The following RRP1B variants were observed in gnomAD, a reference collection of about 807,000 sequenced individuals.
RRP1B encodes the protein ribosomal RNA processing protein 1 homolog B.
Under a neutral mutation model 80.2 loss-of-function variants are expected in RRP1B, and 56 were observed. The observed-to-expected ratio is 0.70, with a 90% confidence interval of 0.56 to 0.87. The LOEUF is 0.87. RRP1B is among the 40% of genes least tolerant of loss of function. RRP1B has a pLI of 0.00. For synonymous variants in RRP1B, 351 were observed against 357.6 expected (o/e 0.98, Z 0.21); for missense variants, 807 against 939.8 (o/e 0.86, Z 1.85).
In RRP1B at chr21:43,673,946, A is replaced by T; in HGVS notation, c.348A>T (p.Lys116Asn). The T allele has an allele frequency of 2.5e-6, 4 of 1,610,704 alleles. No homozygotes were observed. The highest frequency in any genetic ancestry group is 3.4e-6 in the Non-Finnish European group (4 of 1,177,820). Residue 116 changes from lysine to asparagine, a missense_variant, in exon 4 of 16, where the codon AAA (lysine) becomes AAT (asparagine). Transcript: ENST00000340648. ...GAATAGACAGGCTACGCCTGGACAA[A>T]TACTATATGGTAAGATCTGCCGCAG... Reference protein sequence around the residue: ...WKGIDRLRLDKYYMLIRLVLR... With the variant: ...WKGIDRLRLDNYYMLIRLVLR...
intron 9 of RRP1B, 67 bp downstream of exon 9, chr21:43,683,440 G>T: frequency 8.0e-7 from 1 of 1,257,610 alleles, no homozygotes; most frequent in South Asian, 1.2e-5. Context: ...TAGAGAATTA[G>T]GGTCACAGCT....
At chr21:43,688,303 C>T in intron 13 of RRP1B, 63 bp downstream of exon 13, 1 of 1,464,756 alleles carries the variant, frequency 6.8e-7, no homozygotes, top group Admixed American at 2.6e-5. Flanking sequence ...CCATGGGGCT[C>T]CACTGCCTCC....
In RRP1B at chr21:43,693,065, T is replaced by G; in HGVS notation, c.2084-125T>G. 34 of 940,776 alleles carry G rather than the reference T, an allele frequency of 3.6e-5. No homozygotes were observed. Among genetic ancestry groups the G allele is most frequent in the Non-Finnish European group, 5.2e-5 (32 of 615,862 alleles). The allele number at this position is 940,776 out of a possible 1,614,324, so 58.3% of individuals were successfully genotyped here. On this transcript the variant is annotated intron_variant, in intron 15 of 15. Transcript: ENST00000340648. This position sits in a 1 kb window ranked among gnomAD's most constrained non-coding sequence, Gnocchi z 4.1. ...CTTGGGCCTGCTCTCTGCAGGGCCT[T>G]GAGATGGCCCTGCTTCGTCCTAGCA...
Position 43,693,466 on chromosome 21 carries a change from T to C in RRP1B, c.*83T>C. ...ACCTTTAAGAATGTGGGGCCTTTTT[T>C]ATGATTTTGTAAGTTCCCATAAGTT... is the stretch of plus-strand genomic sequence containing the variant. On this transcript the variant is annotated 3_prime_UTR_variant, in exon 16 of 16. Transcript: ENST00000340648. This position sits in a 1 kb window ranked among gnomAD's most constrained non-coding sequence, Gnocchi z 4.1. 2.3e-6 allele frequency: 3 copies of C among 1,323,396 alleles called. No homozygotes were observed. The highest frequency in any genetic ancestry group is 3.0e-6 in the Non-Finnish European group (3 of 1,000,728). The allele number at this position is 1,323,396 out of a possible 1,614,324, so 82.0% of individuals were successfully genotyped here. A position where few individuals can be genotyped will look rare whatever the true frequency, so the allele number is the denominator to read the frequency against.
chr21:43,679,732 C>T (rs1251354362), intron 8 of RRP1B, among the ~76,000 whole-genome samples: 3 of 152,070 alleles, frequency 2.0e-5, no homozygotes, highest in Non-Finnish European at 2.9e-5. Context: ...CCAGTATGGT[C>T]GTTTTCACAA....
intron 11 of RRP1B, 27 bp downstream of exon 11, chr21:43,685,816 A>G: frequency 6.3e-7 from 1 of 1,590,824 alleles, no homozygotes; most frequent in Non-Finnish European, 8.6e-7. Context: ...ATCATCATTC[A>G]TGGTGTTTTT....
At chr21:43,662,802 A>G (rs1167403701) in intron 1 of RRP1B, among the ~76,000 whole-genome samples, 6 of 152,200 alleles carry the variant, frequency 3.9e-5, no homozygotes, top group Non-Finnish European at 8.8e-5. Flanking sequence ...ACTGTGTACT[A>G]TTATGTACGC....
chr21:43,664,591 G>A (rs2082971014), intron 1 of RRP1B, among the ~76,000 whole-genome samples: 1 of 152,198 alleles, frequency 6.6e-6, no homozygotes, highest in Non-Finnish European at 1.5e-5. Flanking sequence ...GCCAAGGTTT[G>A]TTTCCGTGCT....
At chr21:43,674,612 T>TTTTTA in intron 4 of RRP1B, 24 bp from the exon 5 acceptor site, 9 of 1,327,480 alleles carry the variant, frequency 6.8e-6, no homozygotes, top group South Asian at 1.4e-5. Flanking sequence ...TTTTTTTTTT[T>TTTTTA]AAACAAAAAT....
In RRP1B at chr21:43,662,858, C is replaced by T. The variant is rs138747795; in HGVS notation, c.130+3064C>T. On this transcript the variant is annotated intron_variant, in intron 1 of 15. Coordinates refer to ENST00000340648, the MANE Select transcript of RRP1B (RefSeq NM_015056.3). ...TAGCAGTGAACAAAACAGACCATCC[C>T]TGCCTATCTTATCAGTTCTGCAACT... Among the ~76,000 whole-genome samples, 447 of 152,334 alleles carry T rather than the reference C, an allele frequency of 2.9e-3. 6 individuals carry two copies. The highest frequency in any genetic ancestry group is 2.0e-3 in the Non-Finnish European group (133 of 68,030).
intron 2 of RRP1B, among the ~76,000 whole-genome samples, chr21:43,671,639 G>A (rs1022323349): frequency 2.1e-5 from 3 of 145,292 alleles, no homozygotes; most frequent in African/African-American, 7.7e-5. Context: ...AAGTGCTCGG[G>A]CTCCCATTAC....
In RRP1B at chr21:43,659,572, G is replaced by C. The variant is rs951980632; in HGVS notation, c.-93G>C. 5.6e-6 allele frequency: 7 copies of C among 1,239,176 alleles called. No individual in the cohort carries two copies. In the African/African-American group the frequency reaches 8.0e-5, roughly 14 times the overall value. 76.8% of individuals were successfully genotyped at this position (1,239,176 alleles called of 1,614,324 possible). A position where few individuals can be genotyped will look rare whatever the true frequency, so the allele number is the denominator to read the frequency against. On this transcript the variant is annotated 5_prime_UTR_variant, in exon 1 of 16. Transcript: ENST00000340648. The surrounding 1 kb of genome is among the most constrained non-coding windows in gnomAD (Gnocchi z 4.2). Reference sequence around the variant, plus strand: ...CCGCCGCCGCCTTCTGTGCAGTCGCGGCCCGGGCGGACGGTGGCTGGCTGC... The same window carrying C: ...CCGCCGCCGCCTTCTGTGCAGTCGCCGCCCGGGCGGACGGTGGCTGGCTGC...
Position 43,685,799 on chromosome 21 carries a change from G to T in RRP1B, c.1009+10G>T, listed in dbSNP as rs757003274. The T allele has an allele frequency of 1.9e-6, 3 of 1,586,120 alleles. No homozygotes were observed. Among genetic ancestry groups the T allele is most frequent in the Admixed American group, 1.7e-5 (1 of 58,038 alleles). On this transcript the variant is annotated intron_variant, in intron 11 of 15. Coordinates refer to ENST00000340648, the MANE Select transcript of RRP1B (RefSeq NM_015056.3). The stretch of plus-strand genomic sequence containing the variant: ...CAAGACCTTTCTGAAGGTGAGGCGC[G>T]CCAAGAATCATCATTCATGGTGTTT...
At chr21:43,679,210 T>G (rs2083033785) in intron 8 of RRP1B, among the ~76,000 whole-genome samples, 1 of 128,200 alleles carries the variant, frequency 7.8e-6, no homozygotes, top group Non-Finnish European at 1.5e-5. Flanking sequence ...TTTTTGAGGG[T>G]TTTTTGTTTT....
chr21:43,682,228 T>C (rs2083046272), intron 8 of RRP1B, among the ~76,000 whole-genome samples: 1 of 152,196 alleles, frequency 6.6e-6, no homozygotes, highest in South Asian at 2.1e-4. Flanking sequence ...GCTCCCCACA[T>C]TTCTGTCGCC....
At chr21:43,669,209 G>A (rs960987542) in intron 1 of RRP1B, among the ~76,000 whole-genome samples, 3 of 152,024 alleles carry the variant, frequency 2.0e-5, no homozygotes, top group Non-Finnish European at 2.9e-5. Flanking sequence ...GTTGCAGGGA[G>A]GGTGATTGAC....
intron 12 of RRP1B, among the ~76,000 whole-genome samples, chr21:43,687,145 G>A (rs553255590): frequency 2.3e-4 from 35 of 152,266 alleles, no homozygotes; most frequent in African/African-American, 7.7e-4. Flanking sequence ...GCTCACGTCC[G>A]CCTGCTCTCC....
chr21:43,664,701 T>G (rs893473012), intron 1 of RRP1B, among the ~76,000 whole-genome samples: 5 of 152,186 alleles, frequency 3.3e-5, no homozygotes, highest in African/African-American at 1.2e-4. Context: ...GACTGGGTAA[T>G]TTATAAAGGA....
intron 4 of RRP1B, 32 bp downstream of exon 4, chr21:43,673,987 C>T: frequency 6.7e-7 from 1 of 1,488,684 alleles, no homozygotes; most frequent in Non-Finnish European, 9.3e-7. Context: ...TCAAAAACTC[C>T]TGGGAAGAAA....
Sources: allele counts gnomAD v4.1 joint callset (sites outside exome capture counted in the v4.1 genomes callset), GRCh38; gene constraint gnomAD v4.1.1; non-coding constraint Gnocchi (gnomAD v3.1); transcripts MANE v1.5; gene names NCBI Gene and HGNC (gene_info 2026-07-23, HGNC 2026-07-21).